TTC23: variants seen among roughly 807,000 people sequenced by gnomAD.
The protein encoded by TTC23 is tetratricopeptide repeat protein 23.
Under a neutral mutation model 55.1 loss-of-function variants are expected in TTC23, and 58 were observed. The observed-to-expected ratio is 1.05, with a 90% CI of 0.85 to 1.31. The LOEUF is 1.31. Ranked by LOEUF, TTC23 falls within the 50% of genes most tolerant of loss-of-function variation. TTC23 has a pLI of 0.00. For missense variants in TTC23, 516 were observed against 534.4 expected (o/e 0.97, Z 0.34); for synonymous variants, 203 against 199.9 (o/e 1.02, Z -0.13).
At chr15:99,216,485 T>C in intron 8 of TTC23, among the ~76,000 whole-genome samples, 1 of 151,936 alleles carries the variant, frequency 6.6e-6, no homozygotes, top group East Asian at 1.9e-4. Flanking sequence ...AAAATATTTA[T>C]ATCATTAATA....
chr15:99,187,749 CATT>C (rs2074856962), intron 9 of TTC23, among the ~76,000 whole-genome samples: 1 of 151,998 alleles, frequency 6.6e-6, no homozygotes, highest in Admixed American at 6.6e-5. Flanking sequence ...TGTGCTACAT[CATT>C]AGTCATTAGG....
At chr15:99,210,152 T>A (rs1366689959) in intron 8 of TTC23, among the ~76,000 whole-genome samples, 2 of 152,102 alleles carry the variant, frequency 1.3e-5, no homozygotes, top group African/African-American at 4.8e-5. Flanking sequence ...CATGTCATTT[T>A]AAAACATGAT....
intron 6 of TTC23, among the ~76,000 whole-genome samples, chr15:99,219,433 C>A (rs2077733336): frequency 6.6e-6 from 1 of 152,166 alleles, no homozygotes; most frequent in Non-Finnish European, 1.5e-5. Flanking sequence ...TGTGTAACTG[C>A]AATCTTAATG....
At chr15:99,156,644 T>C (rs1226290050) in intron 11 of TTC23, among the ~76,000 whole-genome samples, 1 of 152,202 alleles carries the variant, frequency 6.6e-6, no homozygotes, top group Non-Finnish European at 1.5e-5. Flanking sequence ...ATTCAGTCAC[T>C]ATCGCAAGAA....
At chr15:99,162,155 A>G (rs1412759359) in intron 10 of TTC23, among the ~76,000 whole-genome samples, 1 of 152,180 alleles carries the variant, frequency 6.6e-6, no homozygotes, top group African/African-American at 2.4e-5. Flanking sequence ...ATCTGAACAC[A>G]CTGGTAAGTT....
At chr15:99,242,484 T>C (rs1162689937) in intron 2 of TTC23, among the ~76,000 whole-genome samples, 3 of 152,208 alleles carry the variant, frequency 2.0e-5, no homozygotes, top group African/African-American at 4.8e-5. Context: ...AAACTCTCAC[T>C]TGTTCTATGA....
intron 9 of TTC23, among the ~76,000 whole-genome samples, chr15:99,188,701 T>C (rs969648152): frequency 6.6e-6 from 1 of 152,092 alleles, no homozygotes; most frequent in African/African-American, 2.4e-5. Flanking sequence ...CTTAAACATA[T>C]GAAAAGATGT....
intron 10 of TTC23, among the ~76,000 whole-genome samples, chr15:99,162,097 G>A (rs555565311): frequency 1.8e-4 from 28 of 152,150 alleles, no homozygotes; most frequent in African/African-American, 3.6e-4. Context: ...TAGCTTTCCC[G>A]GTGATACATA....
At chr15:99,229,161 A>C (rs1437964311) in intron 4 of TTC23, among the ~76,000 whole-genome samples, 2 of 152,020 alleles carry the variant, frequency 1.3e-5, no homozygotes, top group Non-Finnish European at 2.9e-5. Flanking sequence ...ATATATATCT[A>C]AAGTCCAGTA....
chr15:99,147,120 G>T (rs1257012875), intron 12 of TTC23, among the ~76,000 whole-genome samples: 4 of 148,692 alleles, frequency 2.7e-5, no homozygotes, highest in African/African-American at 1.0e-4. Flanking sequence ...TCACCATGTT[G>T]GCCAGTCTAG....
chr15:99,182,450 G>A (rs1301954671), intron 9 of TTC23, among the ~76,000 whole-genome samples: 1 of 152,112 alleles, frequency 6.6e-6, no homozygotes, highest in Non-Finnish European at 1.5e-5. Context: ...TTCCTCTTCT[G>A]TAAATTGTAT....
chr15:99,187,462 A>AAAAAAAAAAAAAAAAAAAAAAAAAAG (rs1230105824), intron 9 of TTC23, among the ~76,000 whole-genome samples: 6 of 132,542 alleles, frequency 4.5e-5, no homozygotes, highest in Admixed American at 1.6e-4. Context: ...CAAAAAAAAA[A>AAAAAAAAAAAAAAAAAAAAAAAAAAG]AAAAAACAAA....
At position 99,199,969 on chromosome 15, in the gene TTC23, CA is replaced by C; in HGVS notation, c.708del (p.Val237Ter). 1 of 1,613,930 alleles carries C rather than the reference CA, an allele frequency of 6.2e-7. No individual in the cohort carries two copies. Among genetic ancestry groups the C allele is most frequent in the Non-Finnish European group, 8.5e-7 (1 of 1,179,930 alleles). On this transcript the variant is annotated frameshift_variant, in exon 9 of 14. Coordinates refer to ENST00000394132, the MANE Select transcript of TTC23 (RefSeq NM_001288615.3). LOFTEE classifies it high-confidence loss of function. ...ECVPILRELA[G>X]VEQALGLHDV... ...TCGTGGAGTCCCAGGGCTTGCTCTA[CA>C]CCTGCTAATTCTCTCAATATGGGTA... is the stretch of plus-strand genomic sequence containing the variant.
At position 99,161,842 on chromosome 15, in the gene TTC23, C is replaced by G. The variant is rs749235254; in HGVS notation, c.891G>C (p.Glu297Asp). Reference protein sequence around the residue: ...HHDVAEQYFQESMAHLKDSEG... With the variant: ...HHDVAEQYFQDSMAHLKDSEG... ...CAGAATCCTTAAGATGAGCCATGCT[C>G]TCTTGAAAATACTGCTCAGCTACAT... The change falls in exon 11 of 14, where the codon GAG becomes GAC. Residue 297 changes from glutamate (E) to aspartate (D), a missense_variant. By Grantham distance (45) the Glu-to-Asp change is conservative. Transcript: ENST00000394132. 47 of 1,610,786 alleles carry G rather than the reference C, an allele frequency of 2.9e-5. No individual in the cohort carries two copies. In the South Asian group the frequency reaches 5.0e-4, roughly 17 times the overall value.
chr15:99,225,990 C>G (rs1410053581), intron 5 of TTC23, among the ~76,000 whole-genome samples: 1 of 152,150 alleles, frequency 6.6e-6, no homozygotes, highest in Non-Finnish European at 1.5e-5. Flanking sequence ...AATGTACAAT[C>G]TGAATAGAAT....
Position 99,209,174 on chromosome 15 carries a change from A to T in TTC23, c.582-9078T>A, listed in dbSNP as rs79080979. Among the ~76,000 whole-genome samples the T allele has an allele frequency of 5.9e-5, 9 of 152,350 alleles. No homozygotes were observed. The East Asian group carries it at 1.7e-3, about 29-fold the overall frequency. On this transcript the variant is annotated intron_variant, in intron 8 of 13. Transcript: ENST00000394132. ...GGGATGGAGACTCGTTTTAACAAGC[A>T]ATAAACAAATGCAATTTCTGGTATT...
intron 8 of TTC23, among the ~76,000 whole-genome samples, chr15:99,214,507 C>A (rs868847436): frequency 3.8e-3 from 372 of 98,908 alleles, no homozygotes; most frequent in Non-Finnish European, 4.1e-3. Context: ...GACTGCATCT[C>A]AAAAAAAAAA....
intron 9 of TTC23, among the ~76,000 whole-genome samples, chr15:99,185,752 G>GT (rs775700434): frequency 1.1e-4 from 16 of 152,160 alleles, no homozygotes; most frequent in Non-Finnish European, 1.8e-4. Context: ...CATTTGCATG[G>GT]TTTTCTTCCG....
chr15:99,232,497 C>G (rs540527183), intron 4 of TTC23, among the ~76,000 whole-genome samples: 1 of 151,080 alleles, frequency 6.6e-6, no homozygotes, highest in African/African-American at 2.4e-5. Flanking sequence ...AAAAAATGAT[C>G]AAAGGGCCTG....
Sources: gnomAD v4.1 joint callset for allele counts (sites outside exome capture counted in the v4.1 genomes callset) on GRCh38, gnomAD v4.1.1 for gene constraint, MANE v1.5 for transcripts, NCBI Gene and HGNC (gene_info 2026-07-23, HGNC 2026-07-21) for gene names.